CACNA1S: variants seen among roughly 807,000 people sequenced by gnomAD.
CACNA1S encodes voltage-dependent L-type calcium channel subunit alpha-1S.
Under a neutral mutation model 207.4 loss-of-function variants are expected in CACNA1S, and 126 were observed. That is an observed-to-expected ratio of 0.61 (90% CI 0.53 to 0.70). The LOEUF is 0.70. Ranked by LOEUF, CACNA1S falls within the 30% of genes least tolerant of loss-of-function variation. The pLI is 0.00. For synonymous variants in CACNA1S, 960 were observed against 932.7 expected (o/e 1.03, Z -0.53); for missense variants, 2,349 against 2,422.8 (o/e 0.97, Z 0.64).
chr1:201,106,292 C>G (rs151083356), intron 2 of CACNA1S, among the ~76,000 whole-genome samples: 2 of 152,248 alleles, frequency 1.3e-5, no homozygotes, highest in East Asian at 3.9e-4. Context: ...GATGACTTCC[C>G]TGGGCTCCCT....
chr1:201,042,075 C>G lies in CACNA1S; in HGVS notation c.5049-486G>C, dbSNP rs112491622. 11 of 210,748 alleles carry G rather than the reference C, an allele frequency of 5.2e-5. No individual in the cohort carries two copies. In the South Asian group the frequency reaches 9.2e-4, roughly 18 times the overall value. The allele number at this position is 210,748 out of a possible 1,614,324, so 13.1% of individuals were successfully genotyped here. On this transcript the variant is annotated intron_variant, in intron 40 of 43. Transcript: ENST00000362061. ...TTCCAGCCCATGGTGATCCATACCC[C>G]CTCTGCACTCTCAGGACACTAAATA...
At chr1:201,080,117 G>C (rs1473657516) in intron 10 of CACNA1S, among the ~76,000 whole-genome samples, 1 of 152,148 alleles carries the variant, frequency 6.6e-6, no homozygotes, top group African/African-American at 2.4e-5. Flanking sequence ...CACAGCTTCA[G>C]ACCATCCCCT....
chr1:201,061,283 TCA>T lies in CACNA1S; in HGVS notation c.3237_3238del (p.Cys1079Ter). On this transcript the variant is annotated stop_gained and frameshift_variant, in exon 25 of 44. Transcript: ENST00000362061. LOFTEE classifies it high-confidence loss of function. ...CCCAGGCACCTGGTTCTTGTCCAGC[TCA>T]CAGTTCTTGTACTCAGTCTCTCCCT... 1 of 1,614,172 alleles carries T rather than the reference TCA, an allele frequency of 6.2e-7. No homozygotes were observed. The highest frequency in any genetic ancestry group is 8.5e-7 in the Non-Finnish European group (1 of 1,180,008).
At chr1:201,077,335 A>G (rs1261678794) in intron 11 of CACNA1S, among the ~76,000 whole-genome samples, 1 of 152,224 alleles carries the variant, frequency 6.6e-6, no homozygotes, top group African/African-American at 2.4e-5. Context: ...CACGCTGGTT[A>G]ATATGACTAT....
At chr1:201,098,352 A>G (rs1381557598) in intron 2 of CACNA1S, among the ~76,000 whole-genome samples, 1 of 152,240 alleles carries the variant, frequency 6.6e-6, no homozygotes, top group Non-Finnish European at 1.5e-5. Flanking sequence ...GGCAATCTGC[A>G]GCCACTTCCA....
chr1:201,069,728 A>G, intron 17 of CACNA1S, 127 bp from the exon 18 acceptor site: 2 of 1,166,560 alleles, frequency 1.7e-6, no homozygotes. Context: ...AGAGAAGTGC[A>G]GCCCTGCACC....
chr1:201,091,561 C>T (rs1662233360), intron 5 of CACNA1S, 79 bp downstream of exon 5: 2 of 1,527,778 alleles, frequency 1.3e-6, no homozygotes, highest in African/African-American at 2.7e-5. Context: ...GCTCCGGGCT[C>T]CTTCACCAGG....
intron 28 of CACNA1S, among the ~76,000 whole-genome samples, chr1:201,057,804 A>G (rs558712534): frequency 4.7e-5 from 5 of 107,466 alleles, no homozygotes; most frequent in African/African-American, 1.8e-4. Flanking sequence ...TCTATATTTC[A>G]AAAACATATT....
chr1:201,044,303 A>G, intron 39 of CACNA1S, 25 bp downstream of exon 39: 1 of 1,611,992 alleles, frequency 6.2e-7, no homozygotes, highest in Non-Finnish European at 8.5e-7. Flanking sequence ...CTAGACCACT[A>G]GGGGTGCTCC....
intron 40 of CACNA1S, 104 bp from the exon 41 acceptor site, chr1:201,041,693 G>A (rs1250102798): frequency 1.2e-6 from 1 of 836,560 alleles, no homozygotes; most frequent in Non-Finnish European, 2.0e-6. Context: ...GCCTGTACAA[G>A]GCCAACCTAG....
chr1:201,068,177 T>G (rs1409625819), intron 19 of CACNA1S, among the ~76,000 whole-genome samples: 1 of 149,964 alleles, frequency 6.7e-6, no homozygotes, highest in Non-Finnish European at 1.5e-5. Flanking sequence ...GCCTTTCCAG[T>G]CACTGTTAAC....
chr1:201,043,367 G>T lies in CACNA1S; in HGVS notation c.4962C>A (p.Asn1654Lys), dbSNP rs370339547. Residue 1654 changes from asparagine to lysine, a missense_variant, in exon 40 of 44, where the codon AAC becomes AAA. By Grantham distance (94) the Asn-to-Lys change is moderately conservative. Transcript: ENST00000362061. ...TGTTGGTATTGGCACGAGCCAGGGG[G>T]TTGGTGCGTGGATCTTGTGGGAAGT... ...LEDFPQDPRT[N>K]PLARANTNNA... 2 of 1,614,108 alleles carry T rather than the reference G, an allele frequency of 1.2e-6. No individual in the cohort carries two copies. The highest frequency in any genetic ancestry group is 2.7e-5 in the African/African-American group (2 of 74,940).
chr1:201,112,384 G>T lies in CACNA1S; in HGVS notation c.-45C>A, dbSNP rs1414180116. On this transcript the variant is annotated 5_prime_UTR_variant, in exon 1 of 44. Coordinates refer to ENST00000362061, the MANE Select transcript of CACNA1S (RefSeq NM_000069.3). ...CTTTCTCCTGCTCCCCCACCCCAGT[G>T]CTTTCCCTTCCCTGTGTCCCCAATG... is the stretch of plus-strand genomic sequence containing the variant. 6.2e-7 allele frequency: 1 copy of T among 1,612,882 alleles called. No individual in the cohort carries two copies. Among genetic ancestry groups the T allele is most frequent in the Admixed American group, 1.7e-5 (1 of 60,016 alleles).
rs768780512 is a variant in CACNA1S at position 201,053,500 on chromosome 1, C to T, written c.3754G>A (p.Gly1252Arg). Residue 1252 changes from glycine to arginine, a missense_variant, in exon 30 of 44, where the codon GGA (glycine) becomes AGA (arginine). Transcript: ENST00000362061. The surrounding 1 kb of genome is among the most constrained non-coding windows in gnomAD (Gnocchi z 5.1). ...AACGTCCACAGGAGGGTTCGCACTC[C>T]TTCTGCCCGGCTCAGCAGCTTGATC... ...RLIKLLSRAEGVRTLLWTFIK... is the reference protein window; with the variant it reads ...RLIKLLSRAERVRTLLWTFIK... 32 of 1,614,162 alleles carry T rather than the reference C, an allele frequency of 2.0e-5. No individual in the cohort carries two copies. The highest frequency in any genetic ancestry group is 2.7e-5 in the Non-Finnish European group (32 of 1,180,026).
chr1:201,109,368 T>C (rs1663018852), intron 2 of CACNA1S, among the ~76,000 whole-genome samples: 1 of 152,244 alleles, frequency 6.6e-6, no homozygotes, highest in South Asian at 2.1e-4. Flanking sequence ...CTCCTTTGTC[T>C]TTTAAATGGG....
chr1:201,072,384 C>T (rs547268416), intron 16 of CACNA1S, among the ~76,000 whole-genome samples: 9 of 152,112 alleles, frequency 5.9e-5, no homozygotes, highest in Non-Finnish European at 1.2e-4. Flanking sequence ...TGCCTCATCA[C>T]GACATATATG....
chr1:201,089,211 C>A (rs373197063), intron 6 of CACNA1S, 47 bp downstream of exon 6: 219 of 1,582,860 alleles, frequency 1.4e-4, no homozygotes, highest in Non-Finnish European at 1.8e-4. Flanking sequence ...CCCTTGCAAG[C>A]CTGTGGATGA....
At position 201,070,418 on chromosome 1, in the gene CACNA1S, G is replaced by A. The variant is rs367666100; in HGVS notation, c.2228-14C>T. 1.0e-4 allele frequency: 161 copies of A among 1,613,460 alleles called. 1 individual carries two copies. The highest frequency in any genetic ancestry group is 1.3e-4 in the Non-Finnish European group (153 of 1,179,926). On this transcript the variant is annotated splice_polypyrimidine_tract_variant and intron_variant, in intron 16 of 43. Coordinates refer to ENST00000362061, the MANE Select transcript of CACNA1S (RefSeq NM_000069.3). ...CCTCGTCATCCCCTGTGGGGAGAGA[G>A]AGAGGAATTAGGGGTGTCTTCCCAT...
chr1:201,072,797 C>T lies in CACNA1S; in HGVS notation c.2185G>A (p.Val729Ile). ...GGGTAGGGATCCTTCACCTCATTGA[C>T]ATTAGATTCAAACTCATCGATTTTC... ...KLKIDEFESNVNEVKDPYPSA... is the reference protein window; with the variant it reads ...KLKIDEFESNINEVKDPYPSA... The change falls in exon 16 of 44, where the codon GTC becomes ATC. Residue 729 changes from valine (V) to isoleucine (I), a missense_variant. By Grantham distance (29) the Val-to-Ile change is conservative. Coordinates refer to ENST00000362061, the MANE Select transcript of CACNA1S (RefSeq NM_000069.3). 6.2e-7 allele frequency: 1 copy of T among 1,613,922 alleles called. No homozygotes were observed. The highest frequency in any genetic ancestry group is 8.5e-7 in the Non-Finnish European group (1 of 1,179,838).
Sources: allele counts gnomAD v4.1 joint callset (sites outside exome capture counted in the v4.1 genomes callset), GRCh38; gene constraint gnomAD v4.1.1; non-coding constraint Gnocchi (gnomAD v3.1); transcripts MANE v1.5; gene names NCBI Gene and HGNC (gene_info 2026-07-23, HGNC 2026-07-21).